RRBP1: variants seen among roughly 807,000 people sequenced by gnomAD.
The protein encoded by RRBP1 is ribosome-binding protein 1.
In RRBP1, 94 loss-of-function variants were observed where a neutral mutation model predicts 165.2. The observed-to-expected ratio is 0.57, with a 90% CI of 0.48 to 0.68. The LOEUF is 0.68. Ranked by LOEUF, RRBP1 falls within the 30% of genes least tolerant of loss-of-function variation. RRBP1 has a pLI of 0.00. For synonymous variants in RRBP1, 680 were observed against 714.5 expected, an observed-to-expected ratio of 0.95 and a Z score of 0.77; for missense variants, 1,676 against 1,763.0, an observed-to-expected ratio of 0.95 and a Z score of 0.88.
rs765428486 is a variant in RRBP1, at chr20:17,643,121, G to C, written c.1919C>G (p.Pro640Arg). The C allele has an allele frequency of 6.2e-7, 1 of 1,613,466 alleles. No homozygotes were observed. The highest frequency in any genetic ancestry group is 8.5e-7 in the Non-Finnish European group (1 of 1,179,860). ...GAGGTAGAGAGGGCCGTCGGCATCT[G>C]GGGGCCCTGTGCAGCAAGAGGGAAA... Reference protein sequence around the residue: ...GSKKKGEPGPPDADGPLYLPY... With the variant: ...GSKKKGEPGPRDADGPLYLPY... The change falls in exon 4 of 25, where the codon CCA (proline) becomes CGA (arginine). Residue 640 changes from proline (P) to arginine (R), a missense_variant. Physicochemically the swap from Pro to Arg is moderately radical, Grantham distance 103. Transcript: ENST00000377813. The surrounding 1 kb of genome is among the most constrained non-coding windows in gnomAD (Gnocchi z 4.3).
chr20:17,676,381 T>C (rs2037082290), intron 2 of RRBP1, among the ~76,000 whole-genome samples: 1 of 151,992 alleles, frequency 6.6e-6, no homozygotes, highest in African/African-American at 2.4e-5. Flanking sequence ...GCCTGAAAGG[T>C]GGAGCTAGCT....
In RRBP1 at chr20:17,616,738, G is replaced by A. The variant is rs769272121; in HGVS notation, c.3861C>T (p.Pro1287=). ...ACCAGCTCACCGCCCTAACCTGAAC[G>A]GGGTCCTGCTCGGCTGGGGGCGCCT... ...SPEAPPAEQD[P]VQLKTQLEWT... The change falls in exon 21 of 25, where the codon CCC becomes CCT. Residue 1287 remains proline, a synonymous_variant. Transcript: ENST00000377813. The A allele has an allele frequency of 1.6e-5, 26 of 1,607,192 alleles. No individual in the cohort carries two copies. In the East Asian group the frequency reaches 2.7e-4, roughly 17 times the overall value.
In RRBP1 at chr20:17,614,149, T is replaced by G; in HGVS notation, c.*33A>C. The G allele has an allele frequency of 2.5e-6, 4 of 1,611,024 alleles. No homozygotes were observed. The highest frequency in any genetic ancestry group is 3.4e-6 in the Non-Finnish European group (4 of 1,177,204). On this transcript the variant is annotated 3_prime_UTR_variant, in exon 25 of 25. Transcript: ENST00000377813. ...GGAATGTGTAAGGCATTTTGGTAAG[T>G]TGAACAGTAACTTCTTTTTCCAAAG... is the stretch of plus-strand genomic sequence containing the variant.
intron 12 of RRBP1, 115 bp from the exon 13 acceptor site, chr20:17,624,783 G>A: frequency 1.4e-6 from 1 of 728,466 alleles, no homozygotes; most frequent in Admixed American, 2.1e-5. Flanking sequence ...CTGGCCCACA[G>A]AGGACCTGCC....
At chr20:17,615,848 A>G in intron 22 of RRBP1, 78 bp downstream of exon 22, 2 of 1,284,952 alleles carry the variant, frequency 1.6e-6, no homozygotes, top group African/African-American at 1.5e-5. Context: ...CGAGCGGGGC[A>G]GGGCTGACCC....
chr20:17,614,115 T>G lies in RRBP1; in HGVS notation c.*67A>C, dbSNP rs185103954. 8.8e-5 allele frequency: 135 copies of G among 1,531,258 alleles called. No individual in the cohort carries two copies. In the African/African-American group the frequency reaches 1.1e-3, roughly 12 times the overall value. The allele number at this position is 1,531,258 out of a possible 1,614,324, so 94.9% of individuals were successfully genotyped here. On this transcript the variant is annotated 3_prime_UTR_variant, in exon 25 of 25. Transcript: ENST00000377813. The stretch of plus-strand genomic sequence containing the variant: ...ATAACGCTGTGTAGGTTGGTTGGTT[T>G]ATTTGTAAGGAATGTGTAAGGCATT...
intron 2 of RRBP1, among the ~76,000 whole-genome samples, chr20:17,663,440 C>T (rs908793038): frequency 1.3e-5 from 2 of 152,326 alleles, no homozygotes; most frequent in East Asian, 1.9e-4. Flanking sequence ...TATAGCAGCA[C>T]AAATGTGTCT....
rs183217857 is a variant in RRBP1 at position 17,674,074 on chromosome 20, A to T, written c.-22+5925T>A. On this transcript the variant is annotated intron_variant, in intron 2 of 24. Coordinates refer to ENST00000377813, the MANE Select transcript of RRBP1 (RefSeq NM_001365613.2). ...TCAGACTTAATTAAAAACCAATTTA[A>T]TGCAGTTGAGTTGCACACTTTAATC... Among the ~76,000 whole-genome samples, 9 of 152,356 alleles carry T rather than the reference A, an allele frequency of 5.9e-5. No individual in the cohort carries two copies. In the East Asian group the frequency reaches 1.5e-3, roughly 26 times the overall value.
intron 13 of RRBP1, among the ~76,000 whole-genome samples, chr20:17,624,301 AGTGCACCTGTGCGTCTGT>A (rs1371853213): frequency 6.6e-6 from 1 of 152,212 alleles, no homozygotes; most frequent in African/African-American, 2.4e-5. Flanking sequence ...TGTGCGTCCT[AGTGCACCTGTGCGTCTGT>A]GTGTCCTAGT....
chr20:17,658,683 T>C lies in RRBP1; in HGVS notation c.1825A>G (p.Asn609Asp). 1 of 1,614,244 alleles carries C rather than the reference T, an allele frequency of 6.2e-7. No homozygotes were observed. The highest frequency in any genetic ancestry group is 8.5e-7 in the Non-Finnish European group (1 of 1,180,042). ...TCTGGGCTCTGGGCCACATCTGTATTTCTGCCCTGGACAGAAGCTGACTCT... is the reference window on the plus strand; with the variant it reads ...TCTGGGCTCTGGGCCACATCTGTATCTCTGCCCTGGACAGAAGCTGACTCT... ...KTESASVQGR[N>D]TDVAQSPEAP... The change falls in exon 3 of 25, where the codon AAT becomes GAT. Residue 609 changes from asparagine (N) to aspartate (D), a missense_variant. Physicochemically the swap from Asn to Asp is conservative, Grantham distance 23 (BLOSUM62 1). Transcript: ENST00000377813.
At chr20:17,625,812 A>C (rs2036008000) in intron 11 of RRBP1, among the ~76,000 whole-genome samples, 1 of 151,816 alleles carries the variant, frequency 6.6e-6, no homozygotes, top group Non-Finnish European at 1.5e-5. Flanking sequence ...CGCCATCCAG[A>C]GCACTGACCC....
chr20:17,614,745 C>G lies in RRBP1; in HGVS notation c.4186G>C (p.Glu1396Gln), dbSNP rs762442580. 6.2e-7 allele frequency: 1 copy of G among 1,612,426 alleles called. No homozygotes were observed. Among genetic ancestry groups the G allele is most frequent in the Non-Finnish European group, 8.5e-7 (1 of 1,180,006 alleles). The change falls in exon 24 of 25, where the codon GAA becomes CAA. Residue 1396 changes from glutamate to glutamine, a missense_variant. This residue lies in a region of RRBP1 where 1,184 missense variants were observed against 1,167.1 expected (regional missense o/e 1.01). Transcript: ENST00000377813. ...TGGCGCCAGGCACGCACTGCCTTTTCCAGCTGTTCCTGCAGCTTCTTCACC... is the reference window on the plus strand; with the variant it reads ...TGGCGCCAGGCACGCACTGCCTTTTGCAGCTGTTCCTGCAGCTTCTTCACC... Reference protein sequence around the residue: ...DTVKKLQEQLEKAEDGSSSKE... With the variant: ...DTVKKLQEQLQKAEDGSSSKE...
chr20:17,625,593 C>A lies in RRBP1; in HGVS notation c.2973G>T (p.Glu991Asp). 1 of 1,613,888 alleles carries A rather than the reference C, an allele frequency of 6.2e-7. No homozygotes were observed. Among genetic ancestry groups the A allele is most frequent in the Non-Finnish European group, 8.5e-7 (1 of 1,179,870 alleles). Residue 991 changes from glutamate to aspartate, a missense_variant, in exon 12 of 25, where the codon GAG becomes GAT. Physicochemically the swap from Glu to Asp is conservative, Grantham distance 45. Transcript: ENST00000377813. Reference protein sequence around the residue: ...EADQQQTRLKELESQVSGLEK... With the variant: ...EADQQQTRLKDLESQVSGLEK... ...CCAGACCCGACACCTGGGACTCCAG[C>A]TCCTTGAGGCTGAAGGGACACAACG...
At chr20:17,665,819 CA>C (rs2036858385) in intron 2 of RRBP1, among the ~76,000 whole-genome samples, 1 of 152,150 alleles carries the variant, frequency 6.6e-6, no homozygotes, top group Admixed American at 6.5e-5. Context: ...TTATTTTCTT[CA>C]AAAGACTTTG....
chr20:17,644,341 C>T (rs2036424874), intron 3 of RRBP1, among the ~76,000 whole-genome samples: 1 of 152,132 alleles, frequency 6.6e-6, no homozygotes, highest in African/African-American at 2.4e-5. Context: ...GCCCCTTCAA[C>T]CTTCTTTTCA....
At chr20:17,632,533 T>C (rs1027212762) in intron 8 of RRBP1, among the ~76,000 whole-genome samples, 1 of 152,230 alleles carries the variant, frequency 6.6e-6, no homozygotes, top group Non-Finnish European at 1.5e-5. Context: ...TGTTCTCTTT[T>C]AGTCCTTGCA....
rs777741216 is a variant in RRBP1, at chr20:17,619,635, C to G, written c.3673G>C (p.Gly1225Arg). The change falls in exon 19 of 25, where the codon GGG becomes CGG. Residue 1225 changes from glycine (G) to arginine (R), a missense_variant and splice_region_variant. Physicochemically the swap from Gly to Arg is moderately radical, Grantham distance 125. This residue lies in a region of RRBP1 where 1,184 missense variants were observed against 1,167.1 expected (regional missense o/e 1.01). Transcript: ENST00000377813. ...ECQNYAKEVA[G>R]LRQLLLESQS... The stretch of plus-strand genomic sequence containing the variant: ...CACTCCTTGGGGGGCAGACTCACCC[C>G]TGCCACCTCCTTGGCGTAGTTCTGG... 1 of 1,610,188 alleles carries G rather than the reference C, an allele frequency of 6.2e-7. No homozygotes were observed. Among genetic ancestry groups the G allele is most frequent in the East Asian group, 2.2e-5 (1 of 44,788 alleles).
At chr20:17,625,635 TCCAAGGGGCTACAGCCCCTACAGATCCCA>T in intron 11 of RRBP1, 33 bp from the exon 12 acceptor site, 1 of 1,578,650 alleles carries the variant, frequency 6.3e-7, no homozygotes, top group Middle Eastern at 1.7e-4. Context: ...CCGCCTAGGC[TCCAAGGGGCTACAGCCCCTACAGATCCCA>T]CCTGAGGCCC....
At chr20:17,654,611 A>G (rs887169033) in intron 3 of RRBP1, among the ~76,000 whole-genome samples, 1 of 152,326 alleles carries the variant, frequency 6.6e-6, no homozygotes, top group East Asian at 1.9e-4. Flanking sequence ...CTGCTTGAGC[A>G]TCATGGAATC....
Sources: allele counts gnomAD v4.1 joint callset (sites outside exome capture counted in the v4.1 genomes callset), GRCh38; gene constraint gnomAD v4.1.1; regional missense constraint gnomAD v4.1.1; non-coding constraint Gnocchi (gnomAD v3.1); transcripts MANE v1.5; gene names NCBI Gene and HGNC (gene_info 2026-07-23, HGNC 2026-07-21).